The following FAM107B variants were observed in gnomAD, a reference collection of about 807,000 sequenced individuals.
FAM107B encodes the protein protein FAM107B.
FAM107B carries 21 observed loss-of-function variants against 31.5 expected under a neutral mutation model. The observed-to-expected ratio is 0.67, with a 90% CI of 0.47 to 0.96. FAM107B has a LOEUF of 0.96. FAM107B is among the 40% of genes least tolerant of loss of function. The pLI is 0.00. For missense variants in FAM107B, 452 were observed against 377.1 expected (o/e 1.20, Z -1.64); for synonymous variants, 157 against 141.5 (o/e 1.11, Z -0.78).
intron 1 of FAM107B, among the ~76,000 whole-genome samples, chr10:14,695,818 T>C (rs915629552): frequency 6.6e-6 from 1 of 152,226 alleles, no homozygotes; most frequent in African/African-American, 2.4e-5. Context: ...TTTTTGTGTG[T>C]TGATTTTGTA....
chr10:14,754,742 C>T (rs1345314030), intron 1 of FAM107B, among the ~76,000 whole-genome samples: 1 of 152,218 alleles, frequency 6.6e-6, no homozygotes, highest in African/African-American at 2.4e-5. Context: ...TTTTCTTAGT[C>T]GTTTGAGCTG....
intron 2 of FAM107B, among the ~76,000 whole-genome samples, chr10:14,569,076 G>A (rs927780703): frequency 2.0e-5 from 3 of 152,116 alleles, no homozygotes; most frequent in Admixed American, 1.3e-4. Context: ...GGTTCTCATC[G>A]AAAGGTCTGT....
chr10:14,668,054 G>T (rs1420685157), intron 1 of FAM107B, among the ~76,000 whole-genome samples: 1 of 151,538 alleles, frequency 6.6e-6, no homozygotes, highest in Admixed American at 6.6e-5. Flanking sequence ...TGTTTTTTGG[G>T]TTTTTTTTGG....
intron 2 of FAM107B, among the ~76,000 whole-genome samples, chr10:14,643,706 G>A (rs993805103): frequency 3.3e-5 from 5 of 152,142 alleles, no homozygotes; most frequent in Admixed American, 2.0e-4. Context: ...CACTGCACCC[G>A]GCTGTCAGTC....
intron 1 of FAM107B, among the ~76,000 whole-genome samples, chr10:14,688,123 G>GA (rs1855034775): frequency 2.0e-5 from 3 of 152,194 alleles, no homozygotes; most frequent in Admixed American, 2.0e-4. Flanking sequence ...GAGTCTTCCA[G>GA]CCTTCGTTTC....
At chr10:14,683,876 C>A (rs1417507197) in intron 1 of FAM107B, among the ~76,000 whole-genome samples, 1 of 152,194 alleles carries the variant, frequency 6.6e-6, no homozygotes, top group Non-Finnish European at 1.5e-5. Context: ...TGTCCCCCGG[C>A]CTTAAGCTGT....
intron 2 of FAM107B, among the ~76,000 whole-genome samples, chr10:14,616,503 G>C (rs1852854265): frequency 6.6e-6 from 1 of 152,088 alleles, no homozygotes; most frequent in Admixed American, 6.5e-5. Context: ...AGGTCAGCCT[G>C]GTATAAAAAA....
At position 14,524,347 on chromosome 10, in the gene FAM107B, T is replaced by C. The variant is rs146411581; in HGVS notation, c.654-2328A>G. Among the ~76,000 whole-genome samples, 58 of 152,288 alleles carry C rather than the reference T, an allele frequency of 3.8e-4. 1 individual carries two copies. The East Asian group carries it at 0.01, about 27-fold the overall frequency. ...CATCAGCAACCACACCCAGCTAGTA[T>C]AGTCCATCTTTAATGACAGAGGACA... On this transcript the variant is annotated intron_variant, in intron 3 of 4. Transcript: ENST00000181796.
chr10:14,606,298 T>C (rs551872272), intron 2 of FAM107B, among the ~76,000 whole-genome samples: 1 of 152,054 alleles, frequency 6.6e-6, no homozygotes, highest in East Asian at 1.9e-4. Flanking sequence ...TGAGAATCAG[T>C]CTTCTCTGGA....
chr10:14,542,920 T>G (rs1848356569), intron 2 of FAM107B, among the ~76,000 whole-genome samples: 1 of 152,204 alleles, frequency 6.6e-6, no homozygotes, highest in East Asian at 1.9e-4. Flanking sequence ...AATATTCCCA[T>G]GAAATAATTA....
chr10:14,677,145 T>TTA (rs1257144778), intron 1 of FAM107B, among the ~76,000 whole-genome samples: 3 of 152,204 alleles, frequency 2.0e-5, no homozygotes, highest in African/African-American at 7.2e-5. Context: ...CTAATCAACA[T>TTA]TATAGCTGCT....
intron 2 of FAM107B, among the ~76,000 whole-genome samples, chr10:14,578,309 T>C (rs1250930378): frequency 6.6e-6 from 1 of 152,204 alleles, no homozygotes; most frequent in Non-Finnish European, 1.5e-5. Flanking sequence ...AATTAATACA[T>C]TCCATAAACT....
At chr10:14,602,296 C>A (rs931860593) in intron 2 of FAM107B, among the ~76,000 whole-genome samples, 8 of 152,204 alleles carry the variant, frequency 5.3e-5, no homozygotes, top group South Asian at 2.1e-4. Context: ...CTTGTAGATT[C>A]TTCTAACTTC....
chr10:14,745,308 C>T lies in FAM107B; in HGVS notation c.411+28945G>A, dbSNP rs577423623. Among the ~76,000 whole-genome samples, 9 of 151,826 alleles carry T rather than the reference C, an allele frequency of 5.9e-5. No individual in the cohort carries two copies. In the East Asian group the frequency reaches 1.5e-3, roughly 26 times the overall value. ...TTCATGTCTCTATCTCCTTCAGTTC[C>T]TCTCTGGTCTTGGTTATTTCTTGTC... On this transcript the variant is annotated intron_variant, in intron 1 of 4. Coordinates refer to ENST00000181796, the MANE Select transcript of FAM107B (RefSeq NM_031453.4).
intron 1 of FAM107B, among the ~76,000 whole-genome samples, chr10:14,761,636 G>T (rs776427274): frequency 6.6e-6 from 1 of 152,096 alleles, no homozygotes; most frequent in Non-Finnish European, 1.5e-5. Flanking sequence ...GTCTCGGTCT[G>T]TCACCCAGGC....
At chr10:14,531,430 G>C (rs898445973) in intron 2 of FAM107B, among the ~76,000 whole-genome samples, 4 of 151,802 alleles carry the variant, frequency 2.6e-5, no homozygotes, top group African/African-American at 4.8e-5. Context: ...TGAGGTGGGA[G>C]AATCACTTGA....
rs1440347763 is a variant in FAM107B at position 14,628,112 on chromosome 10, G to GGTTTTTTTTGTTTTTTTTT, written c.469+39521_469+39522insAAAAAAAAACAAAAAAAAC. On this transcript the variant is annotated intron_variant, in intron 2 of 4. Transcript: ENST00000181796. ...TCCTTGTTTGTTTTTTGTTTTGCTG[G>GGTTTTTTTTGTTTTTTTTT]TTTTTTTTTTTTTTTTTTTTTGAGA... 1.6e-4 allele frequency among the ~76,000 whole-genome samples: 15 copies of GGTTTTTTTTGTTTTTTTTT among 92,684 alleles called. 1 individual carries two copies. In the East Asian group the frequency reaches 4.8e-3, roughly 30 times the overall value. The allele number at this position is 92,684 out of a possible 152,430, so 60.8% of individuals were successfully genotyped here. A position where few individuals can be genotyped will look rare whatever the true frequency, so the allele number is the denominator to read the frequency against.
rs148082462 is a variant in FAM107B, at chr10:14,646,065, G to A, written c.469+21569C>T. Among the ~76,000 whole-genome samples the A allele has an allele frequency of 4.6e-5, 7 of 152,202 alleles. No homozygotes were observed. The East Asian group carries it at 9.7e-4, about 21-fold the overall frequency. ...TCTAAAACTCCACCAGTGTCCTCTC[G>A]GGGAAGAGGTGATAGGTGATTAAAC... On this transcript the variant is annotated intron_variant, in intron 2 of 4. Transcript: ENST00000181796.
intron 2 of FAM107B, among the ~76,000 whole-genome samples, chr10:14,623,756 G>A (rs1853078485): frequency 6.6e-6 from 1 of 152,162 alleles, no homozygotes; most frequent in South Asian, 2.1e-4. Context: ...AACCTGGGAG[G>A]AGGAGGCCGC....
Sources: gnomAD v4.1 joint callset for allele counts (sites outside exome capture counted in the v4.1 genomes callset) on GRCh38, gnomAD v4.1.1 for gene constraint, MANE v1.5 for transcripts, NCBI Gene and HGNC (gene_info 2026-07-23, HGNC 2026-07-21) for gene names.